Variants in DNER observed in about 807,000 individuals in gnomAD.
DNER encodes delta and Notch-like epidermal growth factor-related receptor.
Under a neutral mutation model 78.2 loss-of-function variants are expected in DNER, and 33 were observed. That is an observed-to-expected ratio of 0.42 (90% CI 0.32 to 0.56). The LOEUF (loss-of-function observed/expected upper bound fraction) is 0.56, where lower values mean the gene tolerates loss of function less well. Ranked by LOEUF, DNER falls within the 20% of genes least tolerant of loss-of-function variation. The pLI, the probability that DNER is intolerant of heterozygous loss-of-function variation, is 0.11. For synonymous variants in DNER, 417 were observed against 384.8 expected, an observed-to-expected ratio of 1.08 and a Z score of -0.98; for missense variants, 918 against 975.3, an observed-to-expected ratio of 0.94 and a Z score of 0.78.
chr2:229,432,327 A>G (rs577344888), intron 8 of DNER, among the ~76,000 whole-genome samples: 1 of 152,274 alleles, frequency 6.6e-6, no homozygotes, highest in East Asian at 1.9e-4. Flanking sequence ...GTTTTTCATT[A>G]TGGGATGCAC....
intron 1 of DNER, among the ~76,000 whole-genome samples, chr2:229,689,814 T>C (rs1699538599): frequency 6.6e-6 from 1 of 152,126 alleles, no homozygotes; most frequent in Non-Finnish European, 1.5e-5. Context: ...CATAATTAAG[T>C]TTCGAAAAAG....
chr2:229,706,104 G>T (rs1699822646), intron 1 of DNER, among the ~76,000 whole-genome samples: 1 of 152,152 alleles, frequency 6.6e-6, no homozygotes, highest in Non-Finnish European at 1.5e-5. Context: ...CATCAAGAGG[G>T]ATGGAAGAGA....
intron 9 of DNER, among the ~76,000 whole-genome samples, chr2:229,411,619 G>T (rs1323931787): frequency 6.6e-6 from 1 of 152,098 alleles, no homozygotes; most frequent in Non-Finnish European, 1.5e-5. Flanking sequence ...TCTCATTTCT[G>T]AGACTCTATC....
intron 7 of DNER, among the ~76,000 whole-genome samples, chr2:229,472,041 A>G (rs1559360777): frequency 6.6e-6 from 1 of 152,224 alleles, no homozygotes; most frequent in African/African-American, 2.4e-5. Flanking sequence ...GCAAAATCCA[A>G]CATTGCATTC....
chr2:229,550,691 G>C (rs372402277), intron 4 of DNER, among the ~76,000 whole-genome samples: 1 of 152,060 alleles, frequency 6.6e-6, no homozygotes, highest in Non-Finnish European at 1.5e-5. Flanking sequence ...CAGGGGAATC[G>C]CTTGAACCGG....
intron 7 of DNER, among the ~76,000 whole-genome samples, chr2:229,459,448 T>C (rs1039523793): frequency 6.6e-6 from 1 of 152,142 alleles, no homozygotes; most frequent in African/African-American, 2.4e-5. Flanking sequence ...AAAAATTTTA[T>C]TGAGTTCTTA....
At chr2:229,458,571 T>G (rs1455566511) in intron 7 of DNER, among the ~76,000 whole-genome samples, 1 of 152,010 alleles carries the variant, frequency 6.6e-6, no homozygotes, top group East Asian at 1.9e-4. Flanking sequence ...TTCATCATTT[T>G]TAAGAAGAAA....
At chr2:229,673,163 G>A (rs1037798757) in intron 1 of DNER, among the ~76,000 whole-genome samples, 3 of 152,180 alleles carry the variant, frequency 2.0e-5, no homozygotes, top group East Asian at 1.9e-4. Context: ...TGTGAAAGTG[G>A]CAGCTCAGAT....
intron 10 of DNER, among the ~76,000 whole-genome samples, chr2:229,406,469 C>G (rs1055779627): frequency 6.6e-6 from 1 of 152,146 alleles, no homozygotes; most frequent in African/African-American, 2.4e-5. Flanking sequence ...TAGTTTCTTT[C>G]ACCTGTACTT....
intron 1 of DNER, among the ~76,000 whole-genome samples, chr2:229,677,990 T>C (rs1156356783): frequency 6.6e-6 from 1 of 152,206 alleles, no homozygotes; most frequent in Admixed American, 6.5e-5. Context: ...GGAAAGAAGT[T>C]TGTTGATCCT....
intron 7 of DNER, among the ~76,000 whole-genome samples, chr2:229,457,767 C>T (rs537512238): frequency 7.8e-6 from 1 of 128,818 alleles, no homozygotes; most frequent in East Asian, 2.2e-4. Context: ...GATTGTCAGA[C>T]TTTATTTGGA....
intron 7 of DNER, among the ~76,000 whole-genome samples, chr2:229,454,649 T>C (rs1391078072): frequency 1.3e-5 from 2 of 151,412 alleles, no homozygotes; most frequent in Admixed American, 6.6e-5. Context: ...AAAATTTCAC[T>C]AAAGAGATAT....
At chr2:229,527,705 A>G (rs13397152) in intron 5 of DNER, among the ~76,000 whole-genome samples, 3,911 of 152,274 alleles carry the variant, frequency 0.026, 172 homozygotes, top group African/African-American at 0.089. Context: ...GTTTTGTTCA[A>G]AAGCAAAAAC....
At chr2:229,477,289 C>T in intron 6 of DNER, 36 bp from the exon 7 acceptor site, 1 of 1,520,390 alleles carries the variant, frequency 6.6e-7, no homozygotes, top group Non-Finnish European at 9.0e-7. Context: ...ATAAAATAAG[C>T]TCTTCCAGAC....
chr2:229,371,131 T>C (rs546334660), intron 11 of DNER, among the ~76,000 whole-genome samples: 51 of 152,334 alleles, frequency 3.3e-4, no homozygotes, highest in African/African-American at 1.2e-3. Flanking sequence ...TCCACCTCAC[T>C]GTCATCTAAA....
intron 4 of DNER, among the ~76,000 whole-genome samples, chr2:229,554,619 G>A (rs1297975497): frequency 1.3e-5 from 2 of 152,166 alleles, no homozygotes; most frequent in African/African-American, 2.4e-5. Flanking sequence ...TTGAACCCGG[G>A]AGGTGATTGC....
At chr2:229,577,916 T>C (rs757175951) in intron 4 of DNER, among the ~76,000 whole-genome samples, 72 of 152,200 alleles carry the variant, frequency 4.7e-4, no homozygotes, top group Non-Finnish European at 7.1e-4. Context: ...AATTTAAGTG[T>C]CCTGCCAACT....
chr2:229,633,299 G>A (rs1408670028), intron 1 of DNER, among the ~76,000 whole-genome samples: 1 of 152,194 alleles, frequency 6.6e-6, no homozygotes, highest in Admixed American at 6.5e-5. Flanking sequence ...ATAATGGTGT[G>A]TTAAGGAAAG....
intron 1 of DNER, among the ~76,000 whole-genome samples, chr2:229,660,190 G>T (rs1010167755): frequency 2.0e-5 from 3 of 152,040 alleles, no homozygotes; most frequent in Non-Finnish European, 1.5e-5. Context: ...CTTGGGTCAC[G>T]GTGTTTTTTT....
Sources: gnomAD v4.1 joint callset for allele counts (sites outside exome capture counted in the v4.1 genomes callset) on GRCh38, gnomAD v4.1.1 for gene constraint, MANE v1.5 for transcripts, NCBI Gene and HGNC (gene_info 2026-07-23, HGNC 2026-07-21) for gene names.